The following CMSS1 variants were observed in gnomAD, a reference collection of about 807,000 sequenced individuals.
CMSS1 encodes the protein protein CMSS1.
A neutral mutation model predicts 43.5 loss-of-function variants in CMSS1; 33 were observed. The ratio of observed to expected loss-of-function variants is 0.76; its 90% confidence interval spans 0.57 to 1.01. The LOEUF (loss-of-function observed/expected upper bound fraction) is 1.01. CMSS1 is among the 50% of genes least tolerant of loss of function. The pLI, the probability that CMSS1 is intolerant of heterozygous loss-of-function variation, is 0.00. For missense variants in CMSS1, 313 were observed against 326.4 expected (o/e 0.96, Z 0.32); for synonymous variants, 115 against 117.2 (o/e 0.98, Z 0.12).
intron 1 of CMSS1, among the ~76,000 whole-genome samples, chr3:99,948,874 T>A (rs561465012): frequency 2.0e-5 from 3 of 152,296 alleles, no homozygotes; most frequent in African/African-American, 7.2e-5. Context: ...CCACTCCCTC[T>A]CAGCAGGACT....
intron 1 of CMSS1, chr3:99,876,298 C>G: frequency 1.3e-6 from 1 of 774,400 alleles, no homozygotes; most frequent in Non-Finnish European, 1.6e-6. Flanking sequence ...GCCGCGGCGG[C>G]GGCGCAGCCA....
chr3:99,849,665 G>T, intron 1 of CMSS1: 1 of 1,613,216 alleles, frequency 6.2e-7, no homozygotes. Flanking sequence ...GATAAAAATT[G>T]AGCTTTGTCT....
intron 1 of CMSS1, among the ~76,000 whole-genome samples, chr3:100,073,795 G>A (rs1166406094): frequency 6.6e-6 from 1 of 152,138 alleles, no homozygotes; most frequent in Non-Finnish European, 1.5e-5. Context: ...TGTGGGTCTT[G>A]TCTCCAGGAG....
intron 1 of CMSS1, among the ~76,000 whole-genome samples, chr3:100,128,321 A>G (rs2066679215): frequency 1.3e-5 from 2 of 152,212 alleles, no homozygotes; most frequent in Admixed American, 1.3e-4. Flanking sequence ...CCTTCTCTGC[A>G]CATTTTAATT....
Position 100,007,019 on chromosome 3 carries a change from C to A in CMSS1, c.65-139954C>A, listed in dbSNP as rs150870448. 3.5e-3 allele frequency among the ~76,000 whole-genome samples: 529 copies of A among 152,296 alleles called. 1 individual carries two copies. The highest frequency in any genetic ancestry group is 0.012 in the African/African-American group (505 of 41,560). ...ATCTTTATAAATCTTTCATTACTTA[C>A]TGGCTTTCTTAGTGCCTTAGCTGGT... On this transcript the variant is annotated intron_variant, in intron 1 of 9. Coordinates refer to ENST00000421999, the MANE Select transcript of CMSS1 (RefSeq NM_032359.4).
At chr3:100,096,979 T>C (rs1459877040) in intron 1 of CMSS1, among the ~76,000 whole-genome samples, 1 of 152,188 alleles carries the variant, frequency 6.6e-6, no homozygotes, top group East Asian at 1.9e-4. Flanking sequence ...GCATTTATAT[T>C]GCATTACACC....
chr3:100,083,024 G>A (rs904765667), intron 1 of CMSS1, among the ~76,000 whole-genome samples: 3 of 152,124 alleles, frequency 2.0e-5, no homozygotes, highest in African/African-American at 7.2e-5. Flanking sequence ...TTTGGGATGT[G>A]TATATTCTAC....
chr3:99,930,245 C>T (rs1316890460), intron 1 of CMSS1, among the ~76,000 whole-genome samples: 1 of 152,174 alleles, frequency 6.6e-6, no homozygotes, highest in Non-Finnish European at 1.5e-5. Context: ...GATTACTATA[C>T]AACATTGGAG....
chr3:99,930,097 T>A lies in CMSS1; in HGVS notation c.64+112054T>A, dbSNP rs1707429799. The A allele has an allele frequency of 6.0e-6, 8 of 1,334,444 alleles. No homozygotes were observed. The South Asian group carries it at 1.2e-4, about 20-fold the overall frequency. 82.7% of individuals were successfully genotyped at this position (1,334,444 alleles called of 1,614,324 possible). On this transcript the variant is annotated intron_variant, in intron 1 of 9. Transcript: ENST00000421999. ...CAGCAGTCTCAGCAAGTGATTTTTGTGATAGTTGGCAGTGCTTTTTCTTCT... is the reference window on the plus strand; with the variant it reads ...CAGCAGTCTCAGCAAGTGATTTTTGAGATAGTTGGCAGTGCTTTTTCTTCT...
At chr3:99,849,751 A>C in intron 1 of CMSS1, 1 of 1,613,604 alleles carries the variant, frequency 6.2e-7, no homozygotes, top group Non-Finnish European at 8.5e-7. Context: ...AATGGCTTTC[A>C]TGTCCTTTAG....
chr3:100,059,852 T>C (rs2065529786), intron 1 of CMSS1, among the ~76,000 whole-genome samples: 1 of 152,212 alleles, frequency 6.6e-6, no homozygotes, highest in Non-Finnish European at 1.5e-5. Context: ...CTAATTCATA[T>C]TCTTCAAAAA....
At chr3:99,976,468 T>C (rs1305289513) in intron 1 of CMSS1, among the ~76,000 whole-genome samples, 2 of 152,162 alleles carry the variant, frequency 1.3e-5, no homozygotes, top group Non-Finnish European at 2.9e-5. Context: ...GCAGCCAAAC[T>C]ACTACTAGTA....
chr3:99,954,125 C>T (rs1316127477), intron 1 of CMSS1, among the ~76,000 whole-genome samples: 1 of 152,256 alleles, frequency 6.6e-6, no homozygotes, highest in African/African-American at 2.4e-5. Context: ...TCTCACTTAA[C>T]ACTTCAGTAA....
At chr3:99,894,102 G>A (rs141059777) in intron 1 of CMSS1, among the ~76,000 whole-genome samples, 5 of 152,248 alleles carry the variant, frequency 3.3e-5, no homozygotes, top group Non-Finnish European at 5.9e-5. Context: ...AAGTTTTTTT[G>A]TGATATTGCA....
intron 1 of CMSS1, among the ~76,000 whole-genome samples, chr3:99,869,445 G>A (rs1944679326): frequency 6.6e-6 from 1 of 152,192 alleles, no homozygotes; most frequent in Non-Finnish European, 1.5e-5. Flanking sequence ...TAATATGAGT[G>A]TTTGAAAAGT....
chr3:99,895,511 G>T (rs1424169173), intron 1 of CMSS1, among the ~76,000 whole-genome samples: 1 of 151,986 alleles, frequency 6.6e-6, no homozygotes, highest in Admixed American at 6.6e-5. Flanking sequence ...TGCAGAAGAG[G>T]CCAAGTTCCT....
At chr3:99,936,650 G>T (rs558853417) in intron 1 of CMSS1, among the ~76,000 whole-genome samples, 2 of 150,084 alleles carry the variant, frequency 1.3e-5, no homozygotes, top group East Asian at 4.0e-4. Flanking sequence ...GGGATTACAG[G>T]CATGAGCCAC....
chr3:99,916,437 TACACACACACAC>T (rs10529210), intron 1 of CMSS1, among the ~76,000 whole-genome samples: 16,655 of 137,124 alleles, frequency 0.12, 1,131 homozygotes, highest in Non-Finnish European at 0.17. Context: ...TAACGGTTTA[TACACACACACAC>T]ACACACACAC....
intron 1 of CMSS1, among the ~76,000 whole-genome samples, chr3:99,939,083 A>G (rs912230732): frequency 6.6e-6 from 1 of 152,230 alleles, no homozygotes; most frequent in Non-Finnish European, 1.5e-5. Context: ...GTGGGGATGT[A>G]TGATTCAGGT....
Sources: allele counts gnomAD v4.1 joint callset (sites outside exome capture counted in the v4.1 genomes callset), GRCh38; gene constraint gnomAD v4.1.1; transcripts MANE v1.5; gene names NCBI Gene and HGNC (gene_info 2026-07-23, HGNC 2026-07-21).